TMEM150C: variants seen among roughly 807,000 people sequenced by gnomAD.
TMEM150C encodes transmembrane protein 150C.
In TMEM150C, 10 loss-of-function variants were observed where a neutral mutation model predicts 29.9. That is an observed-to-expected ratio of 0.33 (90% CI 0.21 to 0.57). The LOEUF (loss-of-function observed/expected upper bound fraction) is 0.57, where lower values mean the gene tolerates loss of function less well. TMEM150C is among the 20% of genes least tolerant of loss of function. TMEM150C has a pLI of 0.88. For missense variants in TMEM150C, 251 were observed against 303.6 expected, an observed-to-expected ratio of 0.83 and a Z score of 1.29; for synonymous variants, 101 against 112.5, an observed-to-expected ratio of 0.90 and a Z score of 0.64.
At chr4:82,495,199 T>C in intron 6 of TMEM150C, 1 of 331,878 alleles carries the variant, frequency 3.0e-6, no homozygotes, top group Non-Finnish European at 5.7e-6. Flanking sequence ...TCCCAGCAAC[T>C]TGGGAGGCCG....
At chr4:82,556,380 A>G (rs970587134) in intron 1 of TMEM150C, among the ~76,000 whole-genome samples, 10 of 152,238 alleles carry the variant, frequency 6.6e-5, no homozygotes, top group Non-Finnish European at 1.2e-4. Flanking sequence ...CGTCAATAAA[A>G]AGGATGCACA....
chr4:82,488,964 C>CG (rs1194397299), intron 7 of TMEM150C, among the ~76,000 whole-genome samples: 1 of 151,774 alleles, frequency 6.6e-6, no homozygotes, highest in Non-Finnish European at 1.5e-5. Flanking sequence ...GATCTTAGCT[C>CG]GCTGCAGCCT....
At chr4:82,533,432 A>G (rs1223394683) in intron 1 of TMEM150C, among the ~76,000 whole-genome samples, 1 of 152,244 alleles carries the variant, frequency 6.6e-6, no homozygotes, top group African/African-American at 2.4e-5. Flanking sequence ...ATCTCCAAAA[A>G]AAGAAAACTA....
At chr4:82,537,956 T>C (rs1237270735) in intron 1 of TMEM150C, among the ~76,000 whole-genome samples, 2 of 152,240 alleles carry the variant, frequency 1.3e-5, no homozygotes, top group Non-Finnish European at 2.9e-5. Flanking sequence ...CCACAAAGTC[T>C]GTGGTAATTT....
At chr4:82,486,923 G>A (rs1200893699) in intron 7 of TMEM150C, among the ~76,000 whole-genome samples, 3 of 152,038 alleles carry the variant, frequency 2.0e-5, no homozygotes, top group African/African-American at 7.2e-5. Context: ...AGTGTCTGAG[G>A]AACTAGATGC....
intron 1 of TMEM150C, among the ~76,000 whole-genome samples, chr4:82,519,687 A>G (rs947511242): frequency 1.3e-5 from 2 of 152,166 alleles, no homozygotes; most frequent in Non-Finnish European, 2.9e-5. Context: ...TCGGCCTCCC[A>G]AAGTGCTGGG....
At chr4:82,552,856 C>G (rs1725625685) in intron 1 of TMEM150C, among the ~76,000 whole-genome samples, 2 of 152,250 alleles carry the variant, frequency 1.3e-5, no homozygotes, top group East Asian at 3.9e-4. Context: ...AGGGTCTGCC[C>G]AGGCCAGCCA....
chr4:82,543,836 G>A (rs567269231), intron 1 of TMEM150C, among the ~76,000 whole-genome samples: 7 of 152,314 alleles, frequency 4.6e-5, no homozygotes, highest in Non-Finnish European at 8.8e-5. Flanking sequence ...GGGCCGAGAA[G>A]CTGAAGACCA....
At chr4:82,531,792 G>C (rs1724856962) in intron 1 of TMEM150C, among the ~76,000 whole-genome samples, 1 of 146,860 alleles carries the variant, frequency 6.8e-6, no homozygotes, top group Admixed American at 6.9e-5. Context: ...CATGGAAATA[G>C]AGGAAAATGA....
intron 1 of TMEM150C, among the ~76,000 whole-genome samples, chr4:82,518,360 C>T (rs888881306): frequency 6.6e-6 from 1 of 152,160 alleles, no homozygotes; most frequent in Non-Finnish European, 1.5e-5. Context: ...TGAGCTGCTC[C>T]GTGCCCTGGC....
At position 82,487,929 on chromosome 4, in the gene TMEM150C, A is replaced by T. The variant is rs916632099; in HGVS notation, c.541+2132T>A. ...TCTAGCTATTTTGAACTTTTTATTT[A>T]TATTTATTTATTTATTTATATTTCA... On this transcript the variant is annotated intron_variant, in intron 7 of 7. Coordinates refer to ENST00000449862, the MANE Select transcript of TMEM150C (RefSeq NM_001080506.3). Among the ~76,000 whole-genome samples the T allele has an allele frequency of 5.9e-5, 9 of 151,508 alleles. No individual in the cohort carries two copies. In the South Asian group the frequency reaches 6.3e-4, roughly 11 times the overall value.
rs1265539924 is a variant in TMEM150C at position 82,558,800 on chromosome 4, G to C, written c.-11+3106C>G. 5.9e-5 allele frequency among the ~76,000 whole-genome samples: 9 copies of C among 152,320 alleles called. No individual in the cohort carries two copies. In the East Asian group the frequency reaches 1.5e-3, roughly 26 times the overall value. ...TTTATAGTTAAAATAAGTAGGGGCT[G>C]TCAGGCTTCTGAGCCCAAGCTAAGC... On this transcript the variant is annotated intron_variant, in intron 1 of 7. Transcript: ENST00000449862.
intron 1 of TMEM150C, among the ~76,000 whole-genome samples, chr4:82,553,819 T>C (rs1255200009): frequency 2.0e-5 from 3 of 152,248 alleles, no homozygotes; most frequent in African/African-American, 7.2e-5. Context: ...CATAACTGTA[T>C]CATTCTGCGA....
At chr4:82,500,694 C>T (rs780201961) in intron 5 of TMEM150C, among the ~76,000 whole-genome samples, 24 of 151,946 alleles carry the variant, frequency 1.6e-4, no homozygotes, top group Admixed American at 4.6e-4. Context: ...AATCATAAGC[C>T]TTATAACTGG....
chr4:82,561,275 C>T (rs1725913987), intron 1 of TMEM150C, among the ~76,000 whole-genome samples: 1 of 152,210 alleles, frequency 6.6e-6, no homozygotes, highest in Admixed American at 6.5e-5. Context: ...CACGGCCTCC[C>T]GCCGAAAAAC....
chr4:82,525,189 C>T (rs1724613661), intron 1 of TMEM150C, among the ~76,000 whole-genome samples: 1 of 152,122 alleles, frequency 6.6e-6, no homozygotes. Context: ...TGAATAGAAA[C>T]TTTAAAATGT....
chr4:82,558,322 T>C (rs1725808774), intron 1 of TMEM150C, among the ~76,000 whole-genome samples: 1 of 152,202 alleles, frequency 6.6e-6, no homozygotes, highest in Admixed American at 6.5e-5. Flanking sequence ...ATGGTTATCA[T>C]ACTGGACAGA....
intron 1 of TMEM150C, among the ~76,000 whole-genome samples, chr4:82,540,114 CTTTTTTTTT>C (rs577728662): frequency 1.0e-3 from 47 of 47,228 alleles, no homozygotes; most frequent in African/African-American, 1.4e-3. Context: ...TCTACCTATT[CTTTTTTTTT>C]TTTTTTTTTT....
At position 82,484,743 on chromosome 4, in the gene TMEM150C, C is replaced by T. The variant is rs2110058998; in HGVS notation, c.*768G>A. 1 of 152,328 alleles carries T rather than the reference C, an allele frequency of 6.6e-6. No individual in the cohort carries two copies. The highest frequency in any genetic ancestry group is 2.1e-4 in the South Asian group (1 of 4,828). The allele number at this position is 152,328 out of a possible 1,614,324, so 9.4% of individuals were successfully genotyped here. A position where few individuals can be genotyped will look rare whatever the true frequency, so the allele number is the denominator to read the frequency against. On this transcript the variant is annotated 3_prime_UTR_variant, in exon 8 of 8. Coordinates refer to ENST00000449862, the MANE Select transcript of TMEM150C (RefSeq NM_001080506.3). ...TTAAAAGAAACTATGAAATATAAAA[C>T]ATTGTACATGGCATACTATGAAAGC...
Sources: allele counts gnomAD v4.1 joint callset (sites outside exome capture counted in the v4.1 genomes callset), GRCh38; gene constraint gnomAD v4.1.1; transcripts MANE v1.5; gene names NCBI Gene and HGNC (gene_info 2026-07-23, HGNC 2026-07-21).